The following PRRC1 variants were observed in gnomAD, a reference collection of about 807,000 sequenced individuals.
PRRC1 encodes protein PRRC1.
In PRRC1, 39 loss-of-function variants were observed where a neutral mutation model predicts 40.7. The observed-to-expected ratio is 0.96, with a 90% CI of 0.74 to 1.25. PRRC1 has a LOEUF of 1.25. PRRC1 is among the 50% of genes most tolerant of loss of function. The pLI is 0.00. For synonymous variants in PRRC1, 175 were observed against 193.3 expected (o/e 0.91, Z 0.79); for missense variants, 573 against 548.3 (o/e 1.05, Z -0.45).
intron 4 of PRRC1, 88 bp from the exon 5 acceptor site, chr5:127,530,206 A>G: frequency 9.1e-7 from 1 of 1,094,688 alleles, no homozygotes. Context: ...TGCATTGGAA[A>G]CTTTTAAAAA....
chr5:127,531,060 C>G (rs1767755217), intron 5 of PRRC1, among the ~76,000 whole-genome samples: 1 of 152,186 alleles, frequency 6.6e-6, no homozygotes, highest in Non-Finnish European at 1.5e-5. Flanking sequence ...GGTACCTGAA[C>G]AGCGATTTCA....
Position 127,552,038 on chromosome 5 carries a change from A to G in PRRC1, c.*122A>G. 1 of 1,462,572 alleles carries G rather than the reference A, an allele frequency of 6.8e-7. No individual in the cohort carries two copies. The highest frequency in any genetic ancestry group is 9.0e-7 in the Non-Finnish European group (1 of 1,107,080). 90.6% of individuals were successfully genotyped at this position (1,462,572 alleles called of 1,614,324 possible). ...CCAGTAGTTTTTATCATTTTCCTGT[A>G]GCCTGCAATTTTTCTTTCTCTAGAA... On this transcript the variant is annotated 3_prime_UTR_variant, in exon 9 of 9. Transcript: ENST00000296666.
At chr5:127,523,652 C>A in intron 2 of PRRC1, 70 bp downstream of exon 2, 9 of 890,850 alleles carry the variant, frequency 1.0e-5, no homozygotes, top group East Asian at 2.7e-5. Context: ...TTCTCAGAGT[C>A]AATTAAGAAA....
chr5:127,554,931 A>G lies in PRRC1; in HGVS notation c.*3015A>G, dbSNP rs1768487074. The G allele has an allele frequency of 6.6e-6, 1 of 152,594 alleles. No individual in the cohort carries two copies. The highest frequency in any genetic ancestry group is 6.5e-5 in the Admixed American group (1 of 15,274). 9.5% of individuals were successfully genotyped at this position (152,594 alleles called of 1,614,324 possible). A position where few individuals can be genotyped will look rare whatever the true frequency, so the allele number is the denominator to read the frequency against. ...CAAATTGATAATATTCTATGTTCTA[A>G]AAGTTGGGCTATACATAAATTATTA... On this transcript the variant is annotated 3_prime_UTR_variant, in exon 9 of 9. Transcript: ENST00000296666.
At chr5:127,539,404 A>G (rs569583704) in intron 7 of PRRC1, among the ~76,000 whole-genome samples, 6 of 152,204 alleles carry the variant, frequency 3.9e-5, no homozygotes, top group African/African-American at 1.4e-4. Flanking sequence ...GGCACTAAGT[A>G]TAAGATGATA....
chr5:127,534,639 C>T (rs1253829153), intron 6 of PRRC1, among the ~76,000 whole-genome samples: 1 of 151,976 alleles, frequency 6.6e-6, no homozygotes, highest in African/African-American at 2.4e-5. Flanking sequence ...TTGCTGATTC[C>T]TCCTCTTCTC....
intron 3 of PRRC1, among the ~76,000 whole-genome samples, chr5:127,525,353 T>C (rs1316516373): frequency 6.6e-6 from 1 of 152,252 alleles, no homozygotes; most frequent in Non-Finnish European, 1.5e-5. Context: ...TGTCAGTACT[T>C]CATTCCTTTT....
At chr5:127,531,592 G>A (rs891384641) in intron 5 of PRRC1, among the ~76,000 whole-genome samples, 3 of 146,608 alleles carry the variant, frequency 2.0e-5, no homozygotes, top group Admixed American at 1.3e-4. Context: ...CCTATGAGGT[G>A]CCAGGTGTTT....
At chr5:127,541,018 A>G (rs1389233776) in intron 7 of PRRC1, among the ~76,000 whole-genome samples, 1 of 151,982 alleles carries the variant, frequency 6.6e-6, no homozygotes, top group Non-Finnish European at 1.5e-5. Context: ...TTTGTCATAG[A>G]TAGCTCTTAT....
intron 4 of PRRC1, among the ~76,000 whole-genome samples, chr5:127,528,757 T>C (rs1352147757): frequency 6.6e-6 from 1 of 152,236 alleles, no homozygotes. Context: ...ATAGTTGATA[T>C]TTCTTTACTA....
chr5:127,530,480 G>C, intron 5 of PRRC1, 84 bp downstream of exon 5: 2 of 750,672 alleles, frequency 2.7e-6, no homozygotes, highest in Non-Finnish European at 4.3e-6. Context: ...TTCTCTGTTC[G>C]TTTCCACTGA....
rs1353944021 is a variant in PRRC1 at position 127,552,666 on chromosome 5, G to T, written c.*750G>T. The T allele has an allele frequency of 6.1e-6, 6 of 979,898 alleles. No individual in the cohort carries two copies. Among genetic ancestry groups the T allele is most frequent in the Non-Finnish European group, 2.4e-6 (2 of 824,752 alleles). The allele number at this position is 979,898 out of a possible 1,614,324, so 60.7% of individuals were successfully genotyped here. On this transcript the variant is annotated 3_prime_UTR_variant, in exon 9 of 9. Transcript: ENST00000296666. ...AATGATTCAAGTATATTTTAAATCA[G>T]AAGTATTCAAATTATTTTTGTATAA...
intron 6 of PRRC1, among the ~76,000 whole-genome samples, chr5:127,535,136 A>G (rs910919178): frequency 2.6e-5 from 4 of 152,222 alleles, no homozygotes; most frequent in Non-Finnish European, 4.4e-5. Flanking sequence ...CAACCTGTCA[A>G]TACATAACTT....
chr5:127,520,026 T>C (rs1005141651), intron 1 of PRRC1, among the ~76,000 whole-genome samples: 12 of 152,346 alleles, frequency 7.9e-5, no homozygotes, highest in Admixed American at 5.9e-4. Flanking sequence ...CTTGAACTTA[T>C]TTACTTTTCT....
At position 127,547,934 on chromosome 5, in the gene PRRC1, CT is replaced by C. The variant is rs1768271370; in HGVS notation, c.1128+16del. The C allele has an allele frequency of 6.4e-7, 1 of 1,560,264 alleles. No individual in the cohort carries two copies. Among genetic ancestry groups the C allele is most frequent in the East Asian group, 2.2e-5 (1 of 44,580 alleles). ...ATTTGTACAGCAGGTTGGTTTTCTCCTTTGCTTTTTCATTATGCTCCAGAGA... is the reference window on the plus strand; with the variant it reads ...ATTTGTACAGCAGGTTGGTTTTCTCCTTGCTTTTTCATTATGCTCCAGAGA... On this transcript the variant is annotated intron_variant, in intron 8 of 8. Transcript: ENST00000296666.
intron 3 of PRRC1, among the ~76,000 whole-genome samples, 176 bp downstream of exon 3, chr5:127,525,096 C>A (rs1195863350): frequency 1.3e-5 from 2 of 152,128 alleles, no homozygotes; most frequent in African/African-American, 2.4e-5. Flanking sequence ...AATTTTATAA[C>A]CTTTTCATCA....
chr5:127,542,104 T>C (rs1353549996), intron 7 of PRRC1, among the ~76,000 whole-genome samples: 1 of 152,222 alleles, frequency 6.6e-6, no homozygotes, highest in Non-Finnish European at 1.5e-5. Context: ...AAAGAACATC[T>C]TTATTTCTGC....
chr5:127,526,934 A>G (rs991357202), intron 4 of PRRC1, among the ~76,000 whole-genome samples, 156 bp downstream of exon 4: 29 of 152,244 alleles, frequency 1.9e-4, no homozygotes, highest in African/African-American at 6.5e-4. Flanking sequence ...TTGCCTATGC[A>G]TATCTGTGTA....
In PRRC1 at chr5:127,520,983, A is replaced by G. The variant is rs539874822; in HGVS notation, c.-20-2477A>G. 3.4e-4 allele frequency among the ~76,000 whole-genome samples: 52 copies of G among 152,228 alleles called. 1 individual carries two copies. The South Asian group carries it at 0.01, about 30-fold the overall frequency. On this transcript the variant is annotated intron_variant, in intron 1 of 8. Transcript: ENST00000296666. ...TTTGAACCTAAAATTCCTTCAAAAC[A>G]GTTAAAACAAAAGACAGTTATGCTA...
Sources: gnomAD v4.1 joint callset for allele counts (sites outside exome capture counted in the v4.1 genomes callset) on GRCh38, gnomAD v4.1.1 for gene constraint, MANE v1.5 for transcripts, NCBI Gene and HGNC (gene_info 2026-07-23, HGNC 2026-07-21) for gene names.